Variants in PSMD8 observed in about 807,000 individuals in gnomAD.
PSMD8 encodes 26S proteasome non-ATPase regulatory subunit 8.
PSMD8 carries 30 observed loss-of-function variants against 40.0 expected under a neutral mutation model. The ratio of observed to expected loss-of-function variants is 0.75; its 90% confidence interval spans 0.56 to 1.02. PSMD8 has a LOEUF of 1.02. Among genes scored for constraint, PSMD8 ranks in the 50% least tolerant of loss-of-function variants. PSMD8 has a pLI of 0.00. For synonymous variants in PSMD8, 208 were observed against 192.5 expected (o/e 1.08, Z -0.67); for missense variants, 461 against 463.9 (o/e 0.99, Z 0.06).
intron 1 of PSMD8, chr19:38,375,246 C>G (rs1970588766): frequency 4.3e-6 from 2 of 465,656 alleles, no homozygotes; most frequent in African/African-American, 2.0e-5. Context: ...AGTTCAAGAT[C>G]AGCCTGAGCA....
chr19:38,383,182 G>A (rs1970657355), intron 6 of PSMD8, 71 bp from the exon 7 acceptor site: 2 of 1,585,102 alleles, frequency 1.3e-6, no homozygotes, highest in South Asian at 1.1e-5. Context: ...GTGGGCAAGT[G>A]CTGGCCCCAT....
Position 38,382,232 on chromosome 19 carries a change from G to C in PSMD8, c.915+4G>C, listed in dbSNP as rs750187304. 5.1e-6 allele frequency: 8 copies of C among 1,580,136 alleles called. No individual in the cohort carries two copies. The highest frequency in any genetic ancestry group is 1.7e-4 in the Middle Eastern group (1 of 6,022). On this transcript the variant is annotated splice_donor_region_variant and intron_variant, in intron 6 of 6. Coordinates refer to ENST00000215071, the MANE Select transcript of PSMD8 (RefSeq NM_002812.5). ...GATGACAGACTACGCCAAGAAGGTG[G>C]CTGGGGTACAGGGCAAGGGGCCGTG... is the stretch of plus-strand genomic sequence containing the variant.
At position 38,374,882 on chromosome 19, in the gene PSMD8, T is replaced by G. The variant is rs759581453; in HGVS notation, c.281T>G (p.Met94Arg). Reference protein sequence around the residue: ...SGAVLQAATGMYEQLKGEWNR... With the variant: ...SGAVLQAATGRYEQLKGEWNR... ...GCTGTTCTGCAGGCCGCGACCGGCATGTACGAGCAACTCAAGGGCGAGTGG... is the reference window on the plus strand; with the variant it reads ...GCTGTTCTGCAGGCCGCGACCGGCAGGTACGAGCAACTCAAGGGCGAGTGG... Residue 94 changes from methionine to arginine, a missense_variant, in exon 1 of 7, where the codon ATG becomes AGG. This residue lies in a region of PSMD8 where 225 missense variants were observed against 142.7 expected (regional missense o/e 1.58). Coordinates refer to ENST00000215071, the MANE Select transcript of PSMD8 (RefSeq NM_002812.5). 2 of 1,587,700 alleles carry G rather than the reference T, an allele frequency of 1.3e-6. No homozygotes were observed. The highest frequency in any genetic ancestry group is 1.7e-6 in the Non-Finnish European group (2 of 1,174,956).
At chr19:38,382,809 G>A (rs1970653189) in intron 6 of PSMD8, 1 of 176,742 alleles carries the variant, frequency 5.7e-6, no homozygotes, top group Non-Finnish European at 1.2e-5. Flanking sequence ...TACTCGGGAG[G>A]CTGAGGCAGG....
intron 3 of PSMD8, 141 bp from the exon 4 acceptor site, chr19:38,379,099 G>GT: frequency 1.2e-6 from 1 of 802,044 alleles, no homozygotes; most frequent in Non-Finnish European, 1.9e-6. Context: ...TTGGGACACA[G>GT]TTTCCTCATA....
At position 38,374,790 on chromosome 19, in the gene PSMD8, G is replaced by A; in HGVS notation, c.189G>A (p.Lys63=). 6.4e-7 allele frequency: 1 copy of A among 1,572,500 alleles called. No individual in the cohort carries two copies. Among genetic ancestry groups the A allele is most frequent in the African/African-American group, 1.3e-5 (1 of 74,326 alleles). ...GCGGTCTGCTTGCCGCATCACGCAA[G>A]ATGGCGGCCGCGGCGGTGAACGGGG... ...KSGGLLAASR[K]MAAAAVNGAA... Residue 63 remains lysine (K), a synonymous_variant, in exon 1 of 7, where the codon AAG becomes AAA. Transcript: ENST00000215071.
Position 38,376,359 on chromosome 19 carries a change from A to C in PSMD8, c.441A>C (p.Ile147=). Residue 147 remains isoleucine, a synonymous_variant, in exon 3 of 7, where the codon ATA becomes ATC. Coordinates refer to ENST00000215071, the MANE Select transcript of PSMD8 (RefSeq NM_002812.5). ...TCACTCTGTCACCCACAGGTGACAT[A>C]CTGGAGATCGGGGCCCAATGGAGCA... ...TKQQLILARD[I]LEIGAQWSIL... The C allele has an allele frequency of 6.4e-7, 1 of 1,552,072 alleles. No homozygotes were observed. The highest frequency in any genetic ancestry group is 8.7e-7 in the Non-Finnish European group (1 of 1,146,994).
intron 4 of PSMD8, among the ~76,000 whole-genome samples, chr19:38,380,423 C>T (rs184948120): frequency 5.5e-4 from 83 of 152,232 alleles, no homozygotes; most frequent in African/African-American, 1.4e-3. Flanking sequence ...TGAGCAGGGC[C>T]AGGGCAAAGC....
chr19:38,382,138 C>T lies in PSMD8; in HGVS notation c.825C>T (p.Ile275=), dbSNP rs1131182. 0.082 allele frequency: 129,745 copies of T among 1,576,608 alleles called. 5,934 individuals carry two copies. Among genetic ancestry groups the T allele is most frequent in the Admixed American group, 0.16 (8,619 of 54,032 alleles). Residue 275 remains isoleucine, a synonymous_variant, in exon 6 of 7, where the codon ATC becomes ATT. Transcript: ENST00000215071. ...DTIRDEIAGC[I]EKAYEKILFT... is the part of the protein sequence containing the mutation. ...CCAGGGATGAGATCGCTGGGTGCAT[C>T]GAGAAGGCCTACGAGAAAATCCTTT... is the stretch of plus-strand genomic sequence containing the variant.
chr19:38,383,463 A>G lies in PSMD8; in HGVS notation c.*73A>G, dbSNP rs1365144390. On this transcript the variant is annotated 3_prime_UTR_variant, in exon 7 of 7. Transcript: ENST00000215071. ...TACACTGCAGGGTTTCGCCCAATAA[A>G]GGTGGACTGACATTCCCTCTTCCAG... 1 of 1,578,824 alleles carries G rather than the reference A, an allele frequency of 6.3e-7. No individual in the cohort carries two copies. The highest frequency in any genetic ancestry group is 1.3e-5 in the African/African-American group (1 of 74,202).
intron 4 of PSMD8, among the ~76,000 whole-genome samples, chr19:38,380,565 G>A (rs888230380): frequency 2.6e-5 from 4 of 151,800 alleles, no homozygotes; most frequent in Admixed American, 6.6e-5. Flanking sequence ...ACAGGGATGA[G>A]CCTGTGGTGG....
chr19:38,376,508 A>C, intron 3 of PSMD8, 54 bp downstream of exon 3: 1 of 1,431,294 alleles, frequency 7.0e-7, no homozygotes, highest in Non-Finnish European at 9.6e-7. Flanking sequence ...AAGCTCCTTT[A>C]TTTCTGGAGC....
rs554278491 is a variant in PSMD8 at position 38,376,569 on chromosome 19, T to G, written c.536+115T>G. On this transcript the variant is annotated intron_variant, in intron 3 of 6. Transcript: ENST00000215071. ...CATCTGGGAACTCCTCCTGGCTTAG[T>G]TCTCTCCTCAGTGGTGCAGGGTCAG... 99 of 945,802 alleles carry G rather than the reference T, an allele frequency of 1.0e-4. No homozygotes were observed. The East Asian group carries it at 2.6e-3, about 25-fold the overall frequency. 58.6% of individuals were successfully genotyped at this position (945,802 alleles called of 1,614,324 possible).
chr19:38,382,736 A>T, intron 6 of PSMD8: 1 of 188,358 alleles, frequency 5.3e-6, no homozygotes. Context: ...GTGAAACCTC[A>T]TCTCTACTAA....
chr19:38,379,520 C>G (rs931456483), intron 4 of PSMD8, 115 bp downstream of exon 4: 1 of 1,161,710 alleles, frequency 8.6e-7, no homozygotes, highest in Non-Finnish European at 1.2e-6. Flanking sequence ...ACCCACGGAC[C>G]CATCCTCTTG....
At chr19:38,381,317 G>C (rs1482682646) in intron 5 of PSMD8, 4 of 225,126 alleles carry the variant, frequency 1.8e-5, no homozygotes, top group African/African-American at 4.6e-5. Context: ...CATCCAGTGA[G>C]TCATGAGACT....
chr19:38,376,858 A>T (rs761039692), intron 3 of PSMD8, among the ~76,000 whole-genome samples: 1 of 152,122 alleles, frequency 6.6e-6, no homozygotes, highest in African/African-American at 2.4e-5. Context: ...GTGGCTTCCA[A>T]TGCAGTTCCA....
chr19:38,381,432 C>T (rs1970639728), intron 5 of PSMD8: 1 of 163,704 alleles, frequency 6.1e-6, no homozygotes, highest in Non-Finnish European at 1.3e-5. Context: ...CAAGTGACAT[C>T]CCACGGGCAG....
intron 3 of PSMD8, among the ~76,000 whole-genome samples, chr19:38,376,828 A>G (rs1212803515): frequency 6.6e-6 from 1 of 152,218 alleles, no homozygotes; most frequent in Non-Finnish European, 1.5e-5. Flanking sequence ...GTCCTCAGGC[A>G]CAAGACCAAG....
Sources: gnomAD v4.1 joint callset for allele counts (sites outside exome capture counted in the v4.1 genomes callset) on GRCh38, gnomAD v4.1.1 for gene constraint, gnomAD v4.1.1 regional missense constraint, MANE v1.5 for transcripts, NCBI Gene and HGNC (gene_info 2026-07-23, HGNC 2026-07-21) for gene names.